Variants in MERTK observed in about 807,000 individuals in gnomAD.
MERTK encodes the protein tyrosine-protein kinase Mer.
MERTK carries 69 observed loss-of-function variants against 99.3 expected under a neutral mutation model. The ratio of observed to expected loss-of-function variants is 0.70; its 90% confidence interval spans 0.57 to 0.85. The LOEUF (loss-of-function observed/expected upper bound fraction) is 0.85, where lower values mean the gene tolerates loss of function less well. Among genes scored for constraint, MERTK ranks in the 40% least tolerant of loss-of-function variants. MERTK has a pLI of 0.00. For synonymous variants in MERTK, 426 were observed against 467.6 expected (o/e 0.91, Z 1.15); for missense variants, 1,125 against 1,249.4 (o/e 0.90, Z 1.50).
intron 7 of MERTK, among the ~76,000 whole-genome samples, chr2:111,980,949 T>G (rs553530575): frequency 6.6e-6 from 1 of 152,320 alleles, no homozygotes; most frequent in South Asian, 2.1e-4. Context: ...TTTTAAATTC[T>G]TTATTGCCAT....
chr2:111,929,338 C>G lies in MERTK; in HGVS notation c.280C>G (p.Leu94Val). The G allele has an allele frequency of 6.2e-7, 1 of 1,614,228 alleles. No homozygotes were observed. ...TSVESKPLPP[L>V]AFKHTVGHII... ...TGTCGAATCAAAGCCCCTACCGCCTCTTGCCTTCAAACACACAGTTGGACA... is the reference window on the plus strand; with the variant it reads ...TGTCGAATCAAAGCCCCTACCGCCTGTTGCCTTCAAACACACAGTTGGACA... Residue 94 changes from leucine (L) to valine (V), a missense_variant, in exon 2 of 19, where the codon CTT (leucine) becomes GTT (valine). By Grantham distance (32) the Leu-to-Val change is conservative. Transcript: ENST00000295408.
chr2:112,002,521 C>T (rs1486203542), intron 11 of MERTK, among the ~76,000 whole-genome samples: 5 of 152,106 alleles, frequency 3.3e-5, no homozygotes, highest in Non-Finnish European at 5.9e-5. Context: ...ATCTGATTAC[C>T]GGCTGCTGCT....
chr2:111,970,786 CCCTCCTCCTCCTCCCCCCTCCT>C (rs1676098613), intron 6 of MERTK, among the ~76,000 whole-genome samples: 1 of 19,850 alleles, frequency 5.0e-5, no homozygotes, highest in Non-Finnish European at 1.1e-4. Context: ...TCCTCCTCCT[CCCTCCTCCTCCTCCCCCCTCCT>C]CCTCCTCCTC....
intron 6 of MERTK, among the ~76,000 whole-genome samples, chr2:111,972,806 G>T (rs1485648896): frequency 6.6e-6 from 1 of 152,178 alleles, no homozygotes; most frequent in African/African-American, 2.4e-5. Flanking sequence ...AGTTTAACTA[G>T]GTGTCCTTTA....
chr2:111,994,461 A>T, intron 9 of MERTK, 57 bp downstream of exon 9: 1 of 1,608,116 alleles, frequency 6.2e-7, no homozygotes, highest in Non-Finnish European at 8.5e-7. Context: ...CAGTGCACAG[A>T]TTGCCAGAAA....
chr2:111,908,145 G>A (rs546600052), intron 1 of MERTK, among the ~76,000 whole-genome samples: 123 of 152,304 alleles, frequency 8.1e-4, no homozygotes, highest in African/African-American at 2.8e-3. Context: ...TTATCCAAGG[G>A]AGGTGGCAAT....
intron 8 of MERTK, among the ~76,000 whole-genome samples, chr2:111,985,193 C>A (rs1170729980): frequency 1.3e-5 from 2 of 152,182 alleles, no homozygotes; most frequent in Admixed American, 6.5e-5. Flanking sequence ...CAGTCAAACC[C>A]AGAGGGACAT....
chr2:111,971,431 A>T (rs551598548), intron 6 of MERTK, among the ~76,000 whole-genome samples: 28 of 146,132 alleles, frequency 1.9e-4, no homozygotes, highest in South Asian at 4.2e-4. Flanking sequence ...TTTATATATA[A>T]AAAAAAATAG....
chr2:111,965,080 G>A (rs1252375750), intron 4 of MERTK, 111 bp from the exon 5 acceptor site: 1 of 1,053,086 alleles, frequency 9.5e-7, no homozygotes, highest in African/African-American at 1.6e-5. Flanking sequence ...TTGCACTAAT[G>A]CCCAAAAGCC....
intron 2 of MERTK, among the ~76,000 whole-genome samples, chr2:111,934,161 A>C (rs1274919935): frequency 6.6e-6 from 1 of 152,120 alleles, no homozygotes; most frequent in East Asian, 1.9e-4. Context: ...TTTGCTATTG[A>C]GAATGATGCT....
intron 15 of MERTK, 40 bp downstream of exon 15, chr2:112,010,106 G>A: frequency 1.4e-6 from 2 of 1,420,158 alleles, no homozygotes; most frequent in East Asian, 2.3e-5. Flanking sequence ...ACTTCTCAGG[G>A]CTTATGTGAC....
chr2:111,975,141 C>T lies in MERTK; in HGVS notation c.961-148C>T, dbSNP rs187486192. 1,997 of 778,100 alleles carry T rather than the reference C, an allele frequency of 2.6e-3. 16 individuals are homozygous for T. The highest frequency in any genetic ancestry group is 0.013 in the Middle Eastern group (46 of 3,572). The allele number at this position is 778,100 out of a possible 1,614,324, so 48.2% of individuals were successfully genotyped here. A position where few individuals can be genotyped will look rare whatever the true frequency, so the allele number is the denominator to read the frequency against. On this transcript the variant is annotated intron_variant, in intron 6 of 18. Coordinates refer to ENST00000295408, the MANE Select transcript of MERTK (RefSeq NM_006343.3). ...CATGAGTAACACACAGTGATGCTAG[C>T]GGTAAAATGTGTGTGTGCCCAGAAA... is the stretch of plus-strand genomic sequence containing the variant.
chr2:111,953,720 C>A (rs1685097203), intron 4 of MERTK, among the ~76,000 whole-genome samples: 1 of 152,164 alleles, frequency 6.6e-6, no homozygotes, highest in Admixed American at 6.5e-5. Context: ...GGATTACAGG[C>A]ACCCACTATC....
chr2:111,904,575 C>A (rs554931801), intron 1 of MERTK, among the ~76,000 whole-genome samples: 1 of 152,004 alleles, frequency 6.6e-6, no homozygotes, highest in African/African-American at 2.4e-5. Context: ...GGGGTTTCAC[C>A]GTGTTGGGCA....
intron 15 of MERTK, among the ~76,000 whole-genome samples, chr2:112,014,805 T>G (rs1410272377): frequency 1.3e-5 from 2 of 151,664 alleles, no homozygotes; most frequent in Non-Finnish European, 1.5e-5. Flanking sequence ...CTGGCTAATT[T>G]TTTTTGTATT....
At chr2:111,900,586 A>G (rs1684024549) in intron 1 of MERTK, among the ~76,000 whole-genome samples, 2 of 152,242 alleles carry the variant, frequency 1.3e-5, no homozygotes, top group South Asian at 4.1e-4. Flanking sequence ...TAAAATTTTA[A>G]AAGGCTGTAA....
In MERTK at chr2:112,008,474, A is replaced by G; in HGVS notation, c.1959A>G (p.Leu653=). ...DFSHPNVIRL[L]GVCIEMSSQG... ...GCCACCCAAATGTCATTCGACTTCT[A>G]GGTACTTCCGAGAAATGCAGGAGTG... The change falls in exon 14 of 19, where the codon CTA becomes CTG. Residue 653 remains leucine (L), a splice_region_variant and synonymous_variant. Coordinates refer to ENST00000295408, the MANE Select transcript of MERTK (RefSeq NM_006343.3). 1.2e-6 allele frequency: 2 copies of G among 1,613,026 alleles called. No individual in the cohort carries two copies. Among genetic ancestry groups the G allele is most frequent in the Non-Finnish European group, 1.7e-6 (2 of 1,178,980 alleles).
At chr2:111,937,091 T>G (rs1334496309) in intron 2 of MERTK, among the ~76,000 whole-genome samples, 3 of 152,086 alleles carry the variant, frequency 2.0e-5, no homozygotes, top group Non-Finnish European at 4.4e-5. Flanking sequence ...AATTCTGGCA[T>G]AGTTCCCAGT....
chr2:112,012,549 T>G (rs1383191337), intron 15 of MERTK, among the ~76,000 whole-genome samples: 2 of 152,130 alleles, frequency 1.3e-5, no homozygotes, highest in African/African-American at 4.8e-5. Flanking sequence ...CTTCTCTTTG[T>G]CATGAGCGTA....
Sources: allele counts gnomAD v4.1 joint callset (sites outside exome capture counted in the v4.1 genomes callset), GRCh38; gene constraint gnomAD v4.1.1; transcripts MANE v1.5; gene names NCBI Gene and HGNC (gene_info 2026-07-23, HGNC 2026-07-21).